The following RTTN variants were observed in gnomAD, a reference collection of about 807,000 sequenced individuals.
RTTN encodes the protein rotatin.
RTTN carries 182 observed loss-of-function variants against 269.2 expected under a neutral mutation model. The observed-to-expected ratio is 0.68, with a 90% confidence interval of 0.60 to 0.76. The LOEUF is 0.76. Among genes scored for constraint, RTTN ranks in the 30% least tolerant of loss-of-function variants. RTTN has a pLI of 0.00. For missense variants in RTTN, 2,545 were observed against 2,608.6 expected (o/e 0.98, Z 0.53); for synonymous variants, 1,006 against 963.5 (o/e 1.04, Z -0.82).
chr18:70,051,383 C>G (rs1406427464), intron 39 of RTTN, 28 bp downstream of exon 39: 1 of 1,583,642 alleles, frequency 6.3e-7, no homozygotes, highest in African/African-American at 1.4e-5. Context: ...AGCAGAAAGC[C>G]CCCAAGATTA....
intron 11 of RTTN, among the ~76,000 whole-genome samples, chr18:70,172,067 G>A (rs1007372390): frequency 1.3e-5 from 2 of 152,280 alleles, no homozygotes; most frequent in South Asian, 4.1e-4. Context: ...TCTGCTTCCA[G>A]AACAGGGCTA....
chr18:70,080,431 A>G (rs1464861719), intron 32 of RTTN, among the ~76,000 whole-genome samples: 1 of 152,158 alleles, frequency 6.6e-6, no homozygotes, highest in Non-Finnish European at 1.5e-5. Flanking sequence ...AGACACAAGA[A>G]CCATTATGAA....
chr18:70,168,291 T>C (rs894703939), intron 12 of RTTN, among the ~76,000 whole-genome samples: 6 of 152,232 alleles, frequency 3.9e-5, no homozygotes, highest in East Asian at 1.9e-4. Flanking sequence ...AACCCTTTCA[T>C]TGATAACATA....
intron 1 of RTTN, 50 bp downstream of exon 1, chr18:70,205,578 G>C (rs758593218): frequency 1.2e-6 from 2 of 1,611,770 alleles, no homozygotes; most frequent in South Asian, 1.1e-5. Context: ...TTCTCAGCAA[G>C]TGGCCAGAGC....
intron 39 of RTTN, among the ~76,000 whole-genome samples, chr18:70,049,344 A>C (rs2057587978): frequency 6.6e-6 from 1 of 152,186 alleles, no homozygotes; most frequent in Non-Finnish European, 1.5e-5. Flanking sequence ...ATTTTCCCCC[A>C]ATAAATACAA....
intron 25 of RTTN, among the ~76,000 whole-genome samples, chr18:70,125,449 G>A (rs2059841116): frequency 6.6e-6 from 1 of 151,820 alleles, no homozygotes; most frequent in South Asian, 2.1e-4. Context: ...CTCCTAAAAG[G>A]ACCTCTTTTG....
At chr18:70,103,897 C>G (rs2059249533) in intron 28 of RTTN, among the ~76,000 whole-genome samples, 1 of 151,904 alleles carries the variant, frequency 6.6e-6, no homozygotes. Flanking sequence ...GTAACGGGAC[C>G]TTTCTCTCTG....
At chr18:70,205,425 A>G in intron 1 of RTTN, 110 bp from the exon 2 acceptor site, 1 of 1,461,334 alleles carries the variant, frequency 6.8e-7, no homozygotes, top group Non-Finnish European at 9.4e-7. Flanking sequence ...TTTTTTTCAG[A>G]AGCAGGCCAC....
intron 31 of RTTN, 62 bp from the exon 32 acceptor site, chr18:70,086,746 C>T: frequency 7.2e-7 from 1 of 1,386,118 alleles, no homozygotes; most frequent in Non-Finnish European, 9.8e-7. Context: ...TCAATACTGC[C>T]ATCTTGTGGT....
intron 36 of RTTN, 69 bp downstream of exon 36, chr18:70,059,781 A>C: frequency 9.9e-7 from 1 of 1,014,404 alleles, no homozygotes; most frequent in Non-Finnish European, 1.4e-6. Context: ...ATCTTGTATC[A>C]AGTCATGAAT....
chr18:70,157,321 C>A (rs996083864), intron 14 of RTTN, among the ~76,000 whole-genome samples: 4 of 152,184 alleles, frequency 2.6e-5, no homozygotes, highest in African/African-American at 9.7e-5. Flanking sequence ...TCAGTGCACC[C>A]CCAGGGTTAG....
At chr18:70,024,894 A>T in intron 43 of RTTN, 46 bp from the exon 44 acceptor site, 1 of 1,585,640 alleles carries the variant, frequency 6.3e-7, no homozygotes, top group Non-Finnish European at 8.6e-7. Flanking sequence ...AATATATGAA[A>T]ATATAACATT....
chr18:70,183,692 T>C (rs1301301180), intron 10 of RTTN, among the ~76,000 whole-genome samples: 3 of 152,130 alleles, frequency 2.0e-5, no homozygotes, highest in African/African-American at 7.2e-5. Flanking sequence ...CCACTCCAGG[T>C]GTGACAATCA....
intron 23 of RTTN, among the ~76,000 whole-genome samples, chr18:70,132,147 C>T (rs1416015559): frequency 6.6e-6 from 1 of 152,004 alleles, no homozygotes; most frequent in African/African-American, 2.4e-5. Flanking sequence ...TGTTTACAAA[C>T]TAAATTACAT....
intron 34 of RTTN, among the ~76,000 whole-genome samples, chr18:70,070,155 C>A (rs2058256920): frequency 6.6e-6 from 1 of 152,202 alleles, no homozygotes; most frequent in African/African-American, 2.4e-5. Context: ...AACCAAAGGA[C>A]CACTTAAAGA....
rs2056094251 is a variant in RTTN at position 70,003,516 on chromosome 18, A to G, written c.*635T>C. 6.6e-6 allele frequency: 1 copy of G among 152,224 alleles called. No homozygotes were observed. Among genetic ancestry groups the G allele is most frequent in the Non-Finnish European group, 1.5e-5 (1 of 68,046 alleles). 9.4% of individuals were successfully genotyped at this position (152,224 alleles called of 1,614,324 possible). Reference sequence around the variant, plus strand: ...TTAAGAGTCATCTAGGAAGAAGATAACATCACTAAAACTTGCCTAAGAAAG... The same window carrying G: ...TTAAGAGTCATCTAGGAAGAAGATAGCATCACTAAAACTTGCCTAAGAAAG... On this transcript the variant is annotated 3_prime_UTR_variant, in exon 49 of 49. Transcript: ENST00000640769.
chr18:70,175,627 T>C (rs538079621), intron 11 of RTTN, among the ~76,000 whole-genome samples: 1,149 of 33,106 alleles, frequency 0.035, 2 homozygotes, highest in Admixed American at 0.043. Context: ...GAGAAATGCA[T>C]GGGACCAAAA....
At chr18:70,128,806 G>GA (rs2059930022) in intron 23 of RTTN, 1 of 325,196 alleles carries the variant, frequency 3.1e-6, no homozygotes, top group Non-Finnish European at 5.8e-6. Flanking sequence ...TTGTTGTGGA[G>GA]ATAACTAATG....
chr18:70,140,315 G>A (rs1197917972), intron 19 of RTTN, 127 bp from the exon 20 acceptor site: 1 of 585,508 alleles, frequency 1.7e-6, no homozygotes, highest in African/African-American at 1.9e-5. Context: ...ACCTGGGGTT[G>A]ACATAAGAGT....
Sources: allele counts gnomAD v4.1 joint callset (sites outside exome capture counted in the v4.1 genomes callset), GRCh38; gene constraint gnomAD v4.1.1; transcripts MANE v1.5; gene names NCBI Gene and HGNC (gene_info 2026-07-23, HGNC 2026-07-21).